CNTN5: variants seen among roughly 807,000 people sequenced by gnomAD.
The protein encoded by CNTN5 is contactin-5.
In CNTN5, 77 loss-of-function variants were observed where a neutral mutation model predicts 129.1. That is an observed-to-expected ratio of 0.60 (90% confidence interval 0.50 to 0.72). The LOEUF (loss-of-function observed/expected upper bound fraction) is 0.72, where lower values mean the gene tolerates loss of function less well. CNTN5 is among the 30% of genes least tolerant of loss of function. CNTN5 has a pLI of 0.00. For synonymous variants in CNTN5, 509 were observed against 465.6 expected (o/e 1.09, Z -1.20); for missense variants, 1,478 against 1,328.8 (o/e 1.11, Z -1.75).
chr11:99,570,591 A>C (rs1478473259), intron 3 of CNTN5, among the ~76,000 whole-genome samples: 1 of 152,226 alleles, frequency 6.6e-6, no homozygotes, highest in South Asian at 2.1e-4. Context: ...CTGTTAATTT[A>C]CCAAGTATTT....
At chr11:100,023,504 T>C (rs1081366) in intron 9 of CNTN5, among the ~76,000 whole-genome samples, 65,733 of 152,032 alleles carry the variant, frequency 0.43, 14,526 homozygotes, top group East Asian at 0.56. Context: ...TACAGTGACA[T>C]ATTATTATCA....
intron 15 of CNTN5, among the ~76,000 whole-genome samples, chr11:100,217,134 A>G (rs1949153297): frequency 6.6e-6 from 1 of 152,212 alleles, no homozygotes; most frequent in African/African-American, 2.4e-5. Flanking sequence ...ACATCACATT[A>G]CAGCTGGTTG....
chr11:99,773,513 G>C (rs1193963070), intron 3 of CNTN5, among the ~76,000 whole-genome samples: 1 of 151,866 alleles, frequency 6.6e-6, no homozygotes, highest in African/African-American at 2.4e-5. Context: ...TACTAACCTA[G>C]GGTATGTTAG....
chr11:99,191,478 A>T (rs1307426744), intron 1 of CNTN5, among the ~76,000 whole-genome samples: 1 of 151,838 alleles, frequency 6.6e-6, no homozygotes, highest in African/African-American at 2.4e-5. Context: ...AAGTGGAATT[A>T]GCAGACATAC....
chr11:99,400,871 T>G (rs1050719439), intron 2 of CNTN5, among the ~76,000 whole-genome samples: 16 of 152,198 alleles, frequency 1.1e-4, no homozygotes, highest in African/African-American at 3.9e-4. Context: ...GCCATTTTTA[T>G]GTATTCGTTT....
Position 100,259,119 on chromosome 11 carries a change from G to C in CNTN5, c.2164+3201G>C, listed in dbSNP as rs1396186914. On this transcript the variant is annotated intron_variant, in intron 17 of 24. Transcript: ENST00000524871. The stretch of plus-strand genomic sequence containing the variant: ...GAGAAAGATTTACCAAGCAAATGAA[G>C]AGCAAAAAAAAGCAGGGGTTGCAAT... 3.3e-5 allele frequency among the ~76,000 whole-genome samples: 5 copies of C among 151,214 alleles called. No homozygotes were observed. The South Asian group carries it at 1.0e-3, about 31-fold the overall frequency.
At chr11:100,298,283 C>G (rs1951138461) in intron 19 of CNTN5, among the ~76,000 whole-genome samples, 1 of 151,312 alleles carries the variant, frequency 6.6e-6, no homozygotes, top group South Asian at 2.1e-4. Flanking sequence ...AGCACATAAT[C>G]TGTCCTATTT....
chr11:100,127,115 T>C (rs1396911671), intron 13 of CNTN5, among the ~76,000 whole-genome samples: 1 of 148,404 alleles, frequency 6.7e-6, no homozygotes, highest in East Asian at 2.0e-4. Flanking sequence ...TTTTTTTTTT[T>C]TTTTTTTAGA....
intron 1 of CNTN5, among the ~76,000 whole-genome samples, chr11:99,165,899 C>G (rs934597353): frequency 1.8e-4 from 27 of 152,162 alleles, no homozygotes; most frequent in African/African-American, 6.5e-4. Context: ...TTAGACCCGT[C>G]ATCTGAGGTG....
intron 1 of CNTN5, among the ~76,000 whole-genome samples, chr11:99,322,709 C>A (rs900759577): frequency 1.1e-4 from 16 of 151,860 alleles, no homozygotes; most frequent in African/African-American, 3.1e-4. Flanking sequence ...ATTTTTGTAT[C>A]CCAGCCTAAT....
intron 1 of CNTN5, among the ~76,000 whole-genome samples, chr11:99,128,156 C>T (rs545369036): frequency 8.5e-5 from 13 of 152,288 alleles, no homozygotes; most frequent in African/African-American, 2.4e-4. Context: ...GAGGGTCCCA[C>T]GCCCACAGAA....
intron 1 of CNTN5, among the ~76,000 whole-genome samples, chr11:99,085,760 C>T (rs1170989158): frequency 3.3e-5 from 5 of 152,044 alleles, no homozygotes; most frequent in Admixed American, 3.3e-4. Context: ...TGAATAATAA[C>T]ATTTCAGTCA....
chr11:100,013,623 T>C (rs1012644782), intron 9 of CNTN5, among the ~76,000 whole-genome samples: 1 of 152,188 alleles, frequency 6.6e-6, no homozygotes, highest in African/African-American at 2.4e-5. Context: ...AAATTATGTA[T>C]CCCATTTGAC....
At chr11:99,495,194 C>T (rs1298835237) in intron 2 of CNTN5, among the ~76,000 whole-genome samples, 2 of 152,022 alleles carry the variant, frequency 1.3e-5, no homozygotes, top group African/African-American at 4.8e-5. Flanking sequence ...TGATGAAACC[C>T]CGTCTCTACT....
intron 2 of CNTN5, among the ~76,000 whole-genome samples, chr11:99,493,722 G>A (rs1194176001): frequency 6.6e-6 from 1 of 152,174 alleles, no homozygotes; most frequent in Non-Finnish European, 1.5e-5. Context: ...GGTGTTCAAG[G>A]AAGTTCCACC....
At chr11:99,189,058 G>T (rs1440596413) in intron 1 of CNTN5, among the ~76,000 whole-genome samples, 2 of 151,394 alleles carry the variant, frequency 1.3e-5, no homozygotes, top group African/African-American at 2.4e-5. Context: ...ACTTTTGTAG[G>T]TTCCACACAT....
chr11:99,963,008 T>A (rs891215020), intron 8 of CNTN5, among the ~76,000 whole-genome samples: 1 of 152,150 alleles, frequency 6.6e-6, no homozygotes, highest in African/African-American at 2.4e-5. Flanking sequence ...TGGGGTTGTT[T>A]GTTTATTTCT....
intron 13 of CNTN5, among the ~76,000 whole-genome samples, chr11:100,168,062 C>A (rs1262281270): frequency 2.6e-5 from 4 of 151,758 alleles, no homozygotes; most frequent in Non-Finnish European, 5.9e-5. Context: ...CTCTTCAATT[C>A]TATAAAGTTT....
intron 2 of CNTN5, among the ~76,000 whole-genome samples, chr11:99,366,285 C>T (rs1395047848): frequency 6.6e-6 from 1 of 152,146 alleles, no homozygotes; most frequent in African/African-American, 2.4e-5. Context: ...TTTGCTACTG[C>T]TCTTCTCAAC....
Sources: allele counts gnomAD v4.1 joint callset (sites outside exome capture counted in the v4.1 genomes callset), GRCh38; gene constraint gnomAD v4.1.1; transcripts MANE v1.5; gene names NCBI Gene and HGNC (gene_info 2026-07-23, HGNC 2026-07-21).